Variants in AP4E1 observed in about 807,000 individuals in gnomAD.
The protein encoded by AP4E1 is adaptor related protein complex 4 subunit epsilon 1, also known as AP-4 complex subunit epsilon-1.
Under a neutral mutation model 128.2 loss-of-function variants are expected in AP4E1, and 56 were observed. The observed-to-expected ratio is 0.44, with a 90% CI of 0.35 to 0.55. The LOEUF (loss-of-function observed/expected upper bound fraction) is 0.55, where lower values mean the gene tolerates loss of function less well. Ranked by LOEUF, AP4E1 falls within the 20% of genes least tolerant of loss-of-function variation. AP4E1 has a pLI of 0.00. For missense variants in AP4E1, 1,324 were observed against 1,307.7 expected (o/e 1.01, Z -0.19); for synonymous variants, 484 against 473.1 (o/e 1.02, Z -0.30).
intron 14 of AP4E1, among the ~76,000 whole-genome samples, chr15:50,963,483 C>G (rs1422013300): frequency 6.6e-6 from 1 of 151,988 alleles, no homozygotes; most frequent in Non-Finnish European, 1.5e-5. Context: ...CACAGAAAGT[C>G]AAATATTACA....
intron 15 of AP4E1, among the ~76,000 whole-genome samples, chr15:50,974,887 A>ATT (rs1244197619): frequency 7.2e-5 from 11 of 151,924 alleles, no homozygotes; most frequent in Non-Finnish European, 1.5e-4. Flanking sequence ...AAAAAAAACT[A>ATT]TTGAGTCATA....
At chr15:50,929,864 T>G (rs1442329358) in intron 6 of AP4E1, among the ~76,000 whole-genome samples, 1 of 152,148 alleles carries the variant, frequency 6.6e-6, no homozygotes, top group South Asian at 2.1e-4. Context: ...TGAAAGAGCT[T>G]TATTTCCCTT....
chr15:50,945,888 C>CA, intron 10 of AP4E1: 1 of 993,642 alleles, frequency 1.0e-6, no homozygotes, highest in Non-Finnish European at 1.6e-6. Context: ...AACAGTGCAT[C>CA]ATGAAAGAAG....
At chr15:50,986,555 A>G (rs2064727168) in intron 16 of AP4E1, among the ~76,000 whole-genome samples, 8 of 152,160 alleles carry the variant, frequency 5.3e-5, no homozygotes, top group Admixed American at 5.2e-4. Flanking sequence ...TTCTGCATCT[A>G]TTGAGATAAT....
intron 3 of AP4E1, among the ~76,000 whole-genome samples, chr15:50,921,452 G>T (rs954722439): frequency 6.6e-6 from 1 of 151,922 alleles, no homozygotes; most frequent in East Asian, 1.9e-4. Context: ...GGGTTCAAAC[G>T]ATTCTTATGC....
rs761623445 is a variant in AP4E1 at position 50,948,017 on chromosome 15, T to C, written c.1177-3T>C. The C allele has an allele frequency of 7.6e-6, 12 of 1,588,954 alleles. No individual in the cohort carries two copies. The highest frequency in any genetic ancestry group is 1.3e-5 in the African/African-American group (1 of 74,348). On this transcript the variant is annotated splice_polypyrimidine_tract_variant and splice_region_variant and intron_variant, in intron 10 of 20. Transcript: ENST00000261842. ...TTGTTTTTAATTTTTCTTCTTTAAATAGACTCTGGAACTTCTTTACAGAAT... is the reference window on the plus strand; with the variant it reads ...TTGTTTTTAATTTTTCTTCTTTAAACAGACTCTGGAACTTCTTTACAGAAT...
chr15:50,944,969 T>C, intron 10 of AP4E1: 1 of 766,292 alleles, frequency 1.3e-6, no homozygotes, highest in South Asian at 1.4e-5. Flanking sequence ...AATGTATCCA[T>C]ACAATACAAG....
intron 15 of AP4E1, among the ~76,000 whole-genome samples, chr15:50,970,441 C>T (rs1007048976): frequency 3.3e-5 from 5 of 152,150 alleles, no homozygotes; most frequent in Non-Finnish European, 5.9e-5. Context: ...CTAGATAATT[C>T]GTTCAATACT....
intron 10 of AP4E1, among the ~76,000 whole-genome samples, chr15:50,943,530 C>T (rs1490466871): frequency 6.6e-6 from 1 of 151,966 alleles, no homozygotes; most frequent in Non-Finnish European, 1.5e-5. Context: ...TAAGAAGGCT[C>T]GAAGAGACAG....
At chr15:50,918,161 G>T (rs971110771) in intron 3 of AP4E1, 15 of 152,204 alleles carry the variant, frequency 9.9e-5, no homozygotes, top group Admixed American at 6.5e-5. Flanking sequence ...CATGAACCAT[G>T]TGTTGTGCTG....
chr15:50,946,207 A>C (rs2064059726), intron 10 of AP4E1, among the ~76,000 whole-genome samples: 1 of 152,206 alleles, frequency 6.6e-6, no homozygotes, highest in Non-Finnish European at 1.5e-5. Context: ...CTTTTATTGA[A>C]GAATACAGTA....
At chr15:50,956,662 T>G (rs2064227507) in intron 13 of AP4E1, among the ~76,000 whole-genome samples, 1 of 152,086 alleles carries the variant, frequency 6.6e-6, no homozygotes, top group African/African-American at 2.4e-5. Context: ...GAACTCACTA[T>G]CACAAGAGCA....
intron 2 of AP4E1, among the ~76,000 whole-genome samples, chr15:50,912,393 C>T (rs2063576610): frequency 6.6e-6 from 1 of 152,218 alleles, no homozygotes; most frequent in Non-Finnish European, 1.5e-5. Flanking sequence ...TGTGGAGATA[C>T]TCTTGGGACC....
intron 16 of AP4E1, among the ~76,000 whole-genome samples, chr15:50,985,574 T>A (rs1207361646): frequency 6.6e-6 from 1 of 152,210 alleles, no homozygotes; most frequent in African/African-American, 2.4e-5. Context: ...GGGAATCCTT[T>A]CCCCATTTCT....
At chr15:50,963,246 A>G (rs2064340742) in intron 14 of AP4E1, among the ~76,000 whole-genome samples, 1 of 152,206 alleles carries the variant, frequency 6.6e-6, no homozygotes, top group African/African-American at 2.4e-5. Context: ...ACCTCTGGGT[A>G]TTTATCCAAT....
chr15:50,962,108 G>A (rs1160370302), intron 14 of AP4E1, among the ~76,000 whole-genome samples: 2 of 151,988 alleles, frequency 1.3e-5, no homozygotes, highest in Non-Finnish European at 2.9e-5. Flanking sequence ...GCTGATAAAA[G>A]AAACTGAAGA....
chr15:50,993,275 G>A, intron 16 of AP4E1, 95 bp from the exon 17 acceptor site: 1 of 1,320,040 alleles, frequency 7.6e-7, no homozygotes, highest in Non-Finnish European at 1.1e-6. Flanking sequence ...GTTTTTAAAA[G>A]GCCATGGGCA....
chr15:50,984,559 T>C (rs1185601138), intron 16 of AP4E1, among the ~76,000 whole-genome samples: 3 of 151,054 alleles, frequency 2.0e-5, no homozygotes, highest in African/African-American at 7.3e-5. Context: ...CATGCAGTGT[T>C]TGGTTTTTTG....
At chr15:50,970,357 T>G (rs1186062793) in intron 15 of AP4E1, among the ~76,000 whole-genome samples, 1 of 152,240 alleles carries the variant, frequency 6.6e-6, no homozygotes, top group Non-Finnish European at 1.5e-5. Flanking sequence ...GTTGGACACC[T>G]AGGCTGATTC....
Sources: gnomAD v4.1 joint callset for allele counts (sites outside exome capture counted in the v4.1 genomes callset) on GRCh38, gnomAD v4.1.1 for gene constraint, MANE v1.5 for transcripts, NCBI Gene and HGNC (gene_info 2026-07-23, HGNC 2026-07-21) for gene names.